The following KHDRBS2 variants were observed in gnomAD, a reference collection of about 807,000 sequenced individuals.
KHDRBS2 encodes the protein KH RNA binding domain containing, signal transduction associated 2.
A neutral mutation model predicts 44.3 loss-of-function variants in KHDRBS2; 26 were observed. That is an observed-to-expected ratio of 0.59 (90% CI 0.43 to 0.81). The LOEUF is 0.81. KHDRBS2 is among the 40% of genes least tolerant of loss of function. The pLI, the probability that KHDRBS2 is intolerant of heterozygous loss-of-function variation, is 0.00. For missense variants in KHDRBS2, 476 were observed against 433.1 expected (o/e 1.10, Z -0.88); for synonymous variants, 194 against 151.1 (o/e 1.28, Z -2.08).
intron 3 of KHDRBS2, among the ~76,000 whole-genome samples, chr6:61,995,790 TA>T (rs1432847641): frequency 6.6e-6 from 1 of 152,222 alleles, no homozygotes. Flanking sequence ...TAGTAGTTTA[TA>T]AAATGTATCT....
chr6:61,711,451 T>C (rs1277763164), intron 7 of KHDRBS2, among the ~76,000 whole-genome samples: 1 of 151,766 alleles, frequency 6.6e-6, no homozygotes, highest in East Asian at 1.9e-4. Context: ...GAGATAAATG[T>C]GCATTTCTAG....
At chr6:61,665,340 A>G in the KHDRBS2 span, among the ~76,000 whole-genome samples, 1 of 151,546 alleles carries the variant, frequency 6.6e-6, no homozygotes, top group African/African-American at 2.4e-5. Flanking sequence ...TTTTACTACA[A>G]TGTAAGGGTA....
intron 2 of KHDRBS2, among the ~76,000 whole-genome samples, chr6:62,128,633 C>A (rs535883541): frequency 1.6e-4 from 24 of 150,948 alleles, no homozygotes; most frequent in African/African-American, 5.6e-4. Context: ...AAATAAAAAT[C>A]TCCTTTCATA....
chr6:62,225,948 T>A (rs1831728021), intron 1 of KHDRBS2, among the ~76,000 whole-genome samples: 1 of 152,208 alleles, frequency 6.6e-6, no homozygotes, highest in Admixed American at 6.5e-5. Flanking sequence ...TGAAGGGCAT[T>A]TGGTTTGGTT....
intron 1 of KHDRBS2, among the ~76,000 whole-genome samples, chr6:62,233,446 T>C (rs1163386838): frequency 6.6e-6 from 1 of 152,168 alleles, no homozygotes; most frequent in Non-Finnish European, 1.5e-5. Flanking sequence ...AGATTTAATC[T>C]AAGTTGTCTT....
chr6:61,853,737 C>T (rs1795783181), intron 6 of KHDRBS2, among the ~76,000 whole-genome samples: 1 of 152,176 alleles, frequency 6.6e-6, no homozygotes, highest in East Asian at 1.9e-4. Context: ...TCGTATTGCT[C>T]TTTCACATGA....
intron 3 of KHDRBS2, among the ~76,000 whole-genome samples, chr6:62,030,431 T>C (rs189973368): frequency 2.0e-5 from 3 of 152,074 alleles, no homozygotes; most frequent in Non-Finnish European, 4.4e-5. Context: ...TCTAAATTGA[T>C]GCAGATGGCT....
chr6:61,958,218 G>A (rs1292527138), intron 4 of KHDRBS2, among the ~76,000 whole-genome samples: 2 of 152,084 alleles, frequency 1.3e-5, no homozygotes, highest in Non-Finnish European at 2.9e-5. Context: ...ATTTCTTTGT[G>A]GACACAATTT....
chr6:61,821,533 A>T (rs1279089902), intron 6 of KHDRBS2, among the ~76,000 whole-genome samples: 1 of 151,950 alleles, frequency 6.6e-6, no homozygotes, highest in African/African-American at 2.4e-5. Context: ...AAAAGGTAAG[A>T]TGACACTTCT....
chr6:61,585,954 A>G, the KHDRBS2 span, among the ~76,000 whole-genome samples: 1 of 152,156 alleles, frequency 6.6e-6, no homozygotes, highest in East Asian at 1.9e-4. Context: ...TGAATGAGAA[A>G]GCATGATAAT....
At chr6:61,773,594 G>A (rs1439376636) in intron 6 of KHDRBS2, among the ~76,000 whole-genome samples, 2 of 147,950 alleles carry the variant, frequency 1.4e-5, no homozygotes, top group Non-Finnish European at 3.0e-5. Context: ...TTTGTAGGTT[G>A]CCTGTTCACT....
intron 1 of KHDRBS2, among the ~76,000 whole-genome samples, chr6:62,270,265 G>A (rs1045386893): frequency 3.3e-5 from 5 of 151,156 alleles, no homozygotes; most frequent in Admixed American, 3.3e-4. Context: ...GTTTAAAAGG[G>A]TGTGGAACCC....
At chr6:61,781,651 T>C (rs1265217778) in intron 6 of KHDRBS2, among the ~76,000 whole-genome samples, 3 of 152,174 alleles carry the variant, frequency 2.0e-5, no homozygotes, top group Non-Finnish European at 2.9e-5. Flanking sequence ...CTTGAATGCA[T>C]AGTTTGTGTA....
At chr6:62,082,650 C>T (rs375269988) in intron 2 of KHDRBS2, among the ~76,000 whole-genome samples, 3 of 152,082 alleles carry the variant, frequency 2.0e-5, no homozygotes, top group African/African-American at 7.2e-5. Flanking sequence ...GGACAGAGAA[C>T]CTCTCTTCTG....
rs749991022 is a variant in KHDRBS2, at chr6:61,732,704, T to A, written c.871A>T (p.Ser291Cys). 6.2e-7 allele frequency: 1 copy of A among 1,610,372 alleles called. No homozygotes were observed. The highest frequency in any genetic ancestry group is 1.1e-5 in the South Asian group (1 of 90,978). Reference sequence around the variant, plus strand: ...TACCTTTGTGTTTGGGTCGCATAGCTGTTATCATAAGTCTCATAGGTCTGG... The same window carrying A: ...TACCTTTGTGTTTGGGTCGCATAGCAGTTATCATAAGTCTCATAGGTCTGG... ...DDQTYETYDN[S>C]YATQTQSVPE... Residue 291 changes from serine (S) to cysteine (C), a missense_variant, in exon 7 of 9, where the codon AGC becomes TGC. By Grantham distance (112) the Ser-to-Cys change is moderately radical. Transcript: ENST00000281156.
intron 1 of KHDRBS2, among the ~76,000 whole-genome samples, chr6:62,208,772 T>C (rs1828493714): frequency 6.6e-6 from 1 of 152,214 alleles, no homozygotes; most frequent in Admixed American, 6.5e-5. Context: ...ATAATAGCCA[T>C]CCTAATGAGT....
chr6:62,038,504 A>G (rs779286983), intron 3 of KHDRBS2, among the ~76,000 whole-genome samples: 4 of 152,130 alleles, frequency 2.6e-5, no homozygotes, highest in Non-Finnish European at 5.9e-5. Flanking sequence ...AAAATAGATT[A>G]CTATTCAACT....
intron 1 of KHDRBS2, among the ~76,000 whole-genome samples, chr6:62,207,601 G>T (rs1482913643): frequency 6.6e-6 from 1 of 151,918 alleles, no homozygotes; most frequent in Non-Finnish European, 1.5e-5. Context: ...AATAAAACAA[G>T]AACATTTAAT....
chr6:62,154,249 G>A (rs1052510816), intron 2 of KHDRBS2, among the ~76,000 whole-genome samples: 2 of 152,090 alleles, frequency 1.3e-5, no homozygotes, highest in African/African-American at 4.8e-5. Context: ...CCACCACTCA[G>A]GTGTCACGGA....
Sources: allele counts gnomAD v4.1 joint callset (sites outside exome capture counted in the v4.1 genomes callset), GRCh38; gene constraint gnomAD v4.1.1; transcripts MANE v1.5; gene names NCBI Gene and HGNC (gene_info 2026-07-23, HGNC 2026-07-21).